The following MTMR10 variants were observed in gnomAD, a reference collection of about 807,000 sequenced individuals.
MTMR10 encodes myotubularin related protein 10.
A neutral mutation model predicts 88.1 loss-of-function variants in MTMR10; 56 were observed. That is an observed-to-expected ratio of 0.64 (90% CI 0.51 to 0.79). The LOEUF is 0.79. Ranked by LOEUF, MTMR10 falls within the 30% of genes least tolerant of loss-of-function variation. The pLI, the probability that MTMR10 is intolerant of heterozygous loss-of-function variation, is 0.00. For missense variants in MTMR10, 883 were observed against 924.7 expected, an observed-to-expected ratio of 0.95 and a Z score of 0.58; for synonymous variants, 380 against 340.9, an observed-to-expected ratio of 1.11 and a Z score of -1.26.
At chr15:30,953,481 G>A in intron 11 of MTMR10, 81 bp downstream of exon 11, 1 of 1,046,640 alleles carries the variant, frequency 9.6e-7, no homozygotes. Context: ...ATGGCCCTCT[G>A]TGCTATTTTT....
chr15:30,955,521 T>C (rs375023891), intron 9 of MTMR10, among the ~76,000 whole-genome samples: 35 of 152,164 alleles, frequency 2.3e-4, no homozygotes, highest in African/African-American at 7.0e-4. Flanking sequence ...TCACCCCCCT[T>C]GGCCTCCCAA....
intron 2 of MTMR10, among the ~76,000 whole-genome samples, chr15:30,988,330 A>G (rs1318294821): frequency 6.6e-6 from 1 of 152,190 alleles, no homozygotes; most frequent in African/African-American, 2.4e-5. Context: ...TTGGGTAAGG[A>G]TAAGTCAGGT....
the MTMR10 span, among the ~76,000 whole-genome samples, chr15:30,931,877 T>C: frequency 5.3e-5 from 8 of 152,028 alleles, no homozygotes; most frequent in African/African-American, 1.9e-4. Flanking sequence ...TCTGGCTCTT[T>C]TGCATTTTTA....
chr15:30,946,852 C>CA (rs1196875219), intron 14 of MTMR10: 4 of 656,592 alleles, frequency 6.1e-6, no homozygotes, highest in Non-Finnish European at 1.1e-5. Context: ...AATATAAATA[C>CA]AAAAGCATGA....
intron 5 of MTMR10, among the ~76,000 whole-genome samples, chr15:30,970,067 A>G (rs1319174288): frequency 1.3e-5 from 2 of 152,168 alleles, no homozygotes; most frequent in East Asian, 1.9e-4. Context: ...AGGTATTCAC[A>G]TAATAGTTAT....
rs200258264 is a variant in MTMR10 at position 30,958,951 on chromosome 15, G to C, written c.847C>G (p.Leu283Val). ...CCGTTAGAGTGGCTCCAGCACCAGA[G>C]CTAGGGGAGAGGTAGAATCCTTACT... ...SHSFVGRRMP[L>V]WCWSHSNGSA... The change falls in exon 9 of 16, where the codon CTC becomes GTC. Residue 283 changes from leucine to valine, a missense_variant and splice_region_variant. By Grantham distance (32) the Leu-to-Val change is conservative. Transcript: ENST00000435680. 810 of 1,614,018 alleles carry C rather than the reference G, an allele frequency of 5.0e-4. 7 individuals carry two copies. In the African/African-American group the frequency reaches 9.3e-3, roughly 18 times the overall value.
Position 30,939,728 on chromosome 15 carries a change from A to C in MTMR10, c.*1742T>G. The C allele has an allele frequency of 1.0e-6, 1 of 981,028 alleles. No individual in the cohort carries two copies. Among genetic ancestry groups the C allele is most frequent in the African/African-American group, 1.7e-5 (1 of 57,210 alleles). The allele number at this position is 981,028 out of a possible 1,614,324, so 60.8% of individuals were successfully genotyped here. A position where few individuals can be genotyped will look rare whatever the true frequency, so the allele number is the denominator to read the frequency against. The stretch of plus-strand genomic sequence containing the variant: ...CCAAAACATTTAGTAATAATAAAAA[A>C]GCAGCTAAATGAAAAAGGGAGAATT... On this transcript the variant is annotated 3_prime_UTR_variant, in exon 16 of 16. Coordinates refer to ENST00000435680, the MANE Select transcript of MTMR10 (RefSeq NM_017762.3).
intron 15 of MTMR10, 39 bp downstream of exon 15, chr15:30,942,851 C>T (rs1309618401): frequency 1.1e-5 from 17 of 1,519,842 alleles, no homozygotes; most frequent in African/African-American, 1.4e-5. Context: ...TGTTTGGTTA[C>T]GTGTGAGCCA....
At chr15:30,929,683 AAT>A in the MTMR10 span, among the ~76,000 whole-genome samples, 9 of 116,170 alleles carry the variant, frequency 7.7e-5, no homozygotes, top group East Asian at 4.3e-4. Flanking sequence ...TATATCATAT[AAT>A]ATATATAAAA....
chr15:30,945,098 C>T (rs1296370796), intron 14 of MTMR10, among the ~76,000 whole-genome samples: 1 of 151,734 alleles, frequency 6.6e-6, no homozygotes, highest in East Asian at 1.9e-4. Flanking sequence ...ATAAACACTA[C>T]CTGGCCACTA....
At chr15:30,925,186 T>C in the MTMR10 span, 1 of 1,614,092 alleles carries the variant, frequency 6.2e-7, no homozygotes, top group Non-Finnish European at 8.5e-7. Context: ...GACACCGCCT[T>C]TCACTGTATC....
rs993211022 is a variant in MTMR10 at position 30,940,234 on chromosome 15, C to T, written c.*1236G>A. On this transcript the variant is annotated 3_prime_UTR_variant, in exon 16 of 16. Transcript: ENST00000435680. ...TGCTGTAAGAAGCTTCAGCTTTGAC[C>T]GCTACAGTGGTAGGTAGGCTCTTGT... The T allele has an allele frequency of 2.5e-5, 25 of 985,104 alleles. No individual in the cohort carries two copies. The highest frequency in any genetic ancestry group is 2.9e-5 in the Non-Finnish European group (24 of 829,896). 61.0% of individuals were successfully genotyped at this position (985,104 alleles called of 1,614,324 possible).
the MTMR10 span, among the ~76,000 whole-genome samples, chr15:30,931,140 T>C: frequency 1.3e-5 from 2 of 152,196 alleles, no homozygotes; most frequent in Non-Finnish European, 2.9e-5. Flanking sequence ...TTAGTTCACA[T>C]TGCATGCCTG....
chr15:30,919,015 G>T, the MTMR10 span, among the ~76,000 whole-genome samples: 1 of 152,120 alleles, frequency 6.6e-6, no homozygotes, highest in Non-Finnish European at 1.5e-5. Context: ...AACACACATT[G>T]GATATGTTAT....
rs765257582 is a variant in MTMR10, at chr15:30,941,309, T to TGAAA, written c.*157_*160dup. The TGAAA allele has an allele frequency of 4.5e-4, 685 of 1,525,318 alleles. 6 individuals are homozygous for TGAAA. Among genetic ancestry groups the TGAAA allele is most frequent in the Non-Finnish European group, 1.0e-4 (115 of 1,140,500 alleles). 94.5% of individuals were successfully genotyped at this position (1,525,318 alleles called of 1,614,324 possible). ...ATTTACATCTCTCTTAAAATAAGTG[T>TGAAA]GAAAGAAGCATGATTCAACATGTTT... On this transcript the variant is annotated 3_prime_UTR_variant, in exon 16 of 16. Coordinates refer to ENST00000435680, the MANE Select transcript of MTMR10 (RefSeq NM_017762.3).
Position 30,943,048 on chromosome 15 carries a change from G to C in MTMR10, c.1573C>G (p.Gln525Glu), listed in dbSNP as rs939669341. Reference protein sequence around the residue: ...STEFAISKNIQLGDEKGLKFP... With the variant: ...STEFAISKNIELGDEKGLKFP... ...TTTAAGCCCTTCTCATCACCCAATT[G>C]GATGTTTTTGCTTATAGCAAATTCC... Residue 525 changes from glutamine to glutamate, a missense_variant, in exon 15 of 16, where the codon CAA (glutamine) becomes GAA (glutamate). Gln to Glu is a conservative substitution (Grantham distance 29, BLOSUM62 2). This residue lies in a region of MTMR10 where 343 missense variants were observed against 323.2 expected (regional missense o/e 1.06). Transcript: ENST00000435680. The C allele has an allele frequency of 2.6e-6, 4 of 1,538,310 alleles. No individual in the cohort carries two copies. Among genetic ancestry groups the C allele is most frequent in the Non-Finnish European group, 3.5e-6 (4 of 1,143,502 alleles).
chr15:30,939,977 C>T lies in MTMR10; in HGVS notation c.*1493G>A, dbSNP rs2062983472. On this transcript the variant is annotated 3_prime_UTR_variant, in exon 16 of 16. Transcript: ENST00000435680. ...GTCCTGTTATATCCAGAGACATTAT[C>T]AAATTTTAAAAGGCAAATAATTCAA... 1.0e-6 allele frequency: 1 copy of T among 981,358 alleles called. No homozygotes were observed. Among genetic ancestry groups the T allele is most frequent in the Non-Finnish European group, 1.2e-6 (1 of 826,328 alleles). The allele number at this position is 981,358 out of a possible 1,614,324, so 60.8% of individuals were successfully genotyped here.
the MTMR10 span, among the ~76,000 whole-genome samples, chr15:30,929,825 C>A: frequency 9.3e-3 from 581 of 62,300 alleles, 82 homozygotes; most frequent in African/African-American, 0.022. Flanking sequence ...TATATTATAT[C>A]ATATATAATA....
chr15:30,930,641 G>A, the MTMR10 span: 2 of 1,613,000 alleles, frequency 1.2e-6, no homozygotes, highest in Admixed American at 1.7e-5. Flanking sequence ...CCGACCTGGT[G>A]GTGTGGAACT....
Sources: gnomAD v4.1 joint callset for allele counts (sites outside exome capture counted in the v4.1 genomes callset) on GRCh38, gnomAD v4.1.1 for gene constraint, gnomAD v4.1.1 regional missense constraint, MANE v1.5 for transcripts, NCBI Gene and HGNC (gene_info 2026-07-23, HGNC 2026-07-21) for gene names.